The following PRKD2 variants were observed in gnomAD, a reference collection of about 807,000 sequenced individuals.
PRKD2 encodes serine/threonine-protein kinase D2.
A neutral mutation model predicts 86.0 loss-of-function variants in PRKD2; 22 were observed. The observed-to-expected ratio is 0.26, with a 90% CI of 0.18 to 0.37. The LOEUF (loss-of-function observed/expected upper bound fraction) is 0.37, where lower values mean the gene tolerates loss of function less well. Among genes scored for constraint, PRKD2 ranks in the 10% least tolerant of loss-of-function variants. The pLI is 1.00. For missense variants in PRKD2, 818 were observed against 1,199.2 expected (o/e 0.68, Z 4.70); for synonymous variants, 509 against 510.9 (o/e 1.00, Z 0.05).
intron 14 of PRKD2, 128 bp downstream of exon 14, chr19:46,689,409 G>A: frequency 1.7e-6 from 2 of 1,164,378 alleles, no homozygotes; most frequent in Non-Finnish European, 2.4e-6. Context: ...CGCCCAGCCT[G>A]ATGATGGTTT....
intron 16 of PRKD2, among the ~76,000 whole-genome samples, chr19:46,675,529 C>T (rs920265246): frequency 5.2e-4 from 79 of 152,224 alleles, no homozygotes; most frequent in African/African-American, 1.8e-3. Context: ...CTGCAACCTC[C>T]GCCTCCCGGG....
At chr19:46,699,652 C>T (rs2053608777) in intron 7 of PRKD2, among the ~76,000 whole-genome samples, 1 of 152,174 alleles carries the variant, frequency 6.6e-6, no homozygotes, top group Non-Finnish European at 1.5e-5. Flanking sequence ...ACATTCACGC[C>T]ACACCCAGAT....
intron 5 of PRKD2, among the ~76,000 whole-genome samples, 177 bp from the exon 6 acceptor site, chr19:46,701,289 TC>T (rs1414565044): frequency 6.6e-6 from 1 of 151,650 alleles, no homozygotes; most frequent in Admixed American, 6.6e-5. Context: ...TTCCCAACCA[TC>T]GGGGGGGTCT....
At chr19:46,715,160 T>C (rs561590181) in intron 1 of PRKD2, among the ~76,000 whole-genome samples, 2 of 152,352 alleles carry the variant, frequency 1.3e-5, no homozygotes, top group Non-Finnish European at 2.9e-5. Context: ...TAAGCGGTAA[T>C]CTAATATTTT....
intron 5 of PRKD2, among the ~76,000 whole-genome samples, chr19:46,702,038 GTT>G (rs869093299): frequency 7.6e-6 from 1 of 131,664 alleles, no homozygotes; most frequent in Non-Finnish European, 1.6e-5. Context: ...TCTGTTTTTT[GTT>G]TTTTTTTTTT....
intron 14 of PRKD2, among the ~76,000 whole-genome samples, chr19:46,685,129 C>T (rs185434171): frequency 8.9e-5 from 13 of 146,378 alleles, no homozygotes; most frequent in African/African-American, 1.3e-4. Context: ...TGTACTGGGA[C>T]GCACCTGTAG....
In PRKD2 at chr19:46,697,722, C is replaced by G; in HGVS notation, c.1239+11G>C. 1 of 1,606,846 alleles carries G rather than the reference C, an allele frequency of 6.2e-7. No homozygotes were observed. Among genetic ancestry groups the G allele is most frequent in the Non-Finnish European group, 8.5e-7 (1 of 1,173,976 alleles). On this transcript the variant is annotated intron_variant, in intron 8 of 17. Coordinates refer to ENST00000291281, the MANE Select transcript of PRKD2 (RefSeq NM_016457.5). Reference sequence around the variant, plus strand: ...CGCTCCGCCGTACCCGGCCCCGCCCCGGCCACTCACCAGCGTGTCCTTGTT... The same window carrying G: ...CGCTCCGCCGTACCCGGCCCCGCCCGGGCCACTCACCAGCGTGTCCTTGTT...
At chr19:46,675,682 C>T (rs2053189717) in intron 16 of PRKD2, among the ~76,000 whole-genome samples, 1 of 152,134 alleles carries the variant, frequency 6.6e-6, no homozygotes, top group Non-Finnish European at 1.5e-5. Flanking sequence ...TGACCTCAAG[C>T]AATCCGCCTG....
intron 1 of PRKD2, among the ~76,000 whole-genome samples, 153 bp downstream of exon 1, chr19:46,715,978 G>T (rs1448591540): frequency 6.6e-6 from 1 of 152,206 alleles, no homozygotes; most frequent in Admixed American, 6.5e-5. Context: ...TGGGGAGAGG[G>T]GCAATGGAGG....
At chr19:46,677,828 C>T (rs1390992634) in intron 16 of PRKD2, among the ~76,000 whole-genome samples, 1 of 152,166 alleles carries the variant, frequency 6.6e-6, no homozygotes, top group African/African-American at 2.4e-5. Context: ...GGAAACCCTC[C>T]ACGGCCACGT....
Position 46,675,088 on chromosome 19 carries a change from A to C in PRKD2, c.2369T>G (p.Val790Gly). 1 of 1,611,642 alleles carries C rather than the reference A, an allele frequency of 6.2e-7. No individual in the cohort carries two copies. The highest frequency in any genetic ancestry group is 8.5e-7 in the Non-Finnish European group (1 of 1,178,774). Residue 790 changes from valine to glycine, a missense_variant, in exon 17 of 18, where the codon GTG becomes GGG. By Grantham distance (109) the Val-to-Gly change is moderately radical. Transcript: ENST00000291281. ...AIDLINNLLQ[V>G]KMRKRYSVDK... ...CACGCTGTAGCGTTTGCGCATCTTC[A>C]CCTGCAGCAGGTTGTTGATGAGGTC...
intron 15 of PRKD2, among the ~76,000 whole-genome samples, chr19:46,681,349 G>A (rs891120312): frequency 6.6e-6 from 1 of 151,564 alleles, no homozygotes; most frequent in Non-Finnish European, 1.5e-5. Flanking sequence ...CCAACTCCTG[G>A]GCTCAAGCAA....
rs1380791413 is a variant in PRKD2 at position 46,674,361 on chromosome 19, G to C, written c.*162C>G. 1.4e-6 allele frequency: 1 copy of C among 717,398 alleles called. No individual in the cohort carries two copies. Among genetic ancestry groups the C allele is most frequent in the African/African-American group, 1.8e-5 (1 of 55,928 alleles). 44.4% of individuals were successfully genotyped at this position (717,398 alleles called of 1,614,324 possible). Reference sequence around the variant, plus strand: ...GGCCAGAGATGAGTCCGTTTTAATTGCTGGGGAAACAGGGAGGGGCCTTGG... The same window carrying C: ...GGCCAGAGATGAGTCCGTTTTAATTCCTGGGGAAACAGGGAGGGGCCTTGG... On this transcript the variant is annotated 3_prime_UTR_variant, in exon 18 of 18. Transcript: ENST00000291281.
intron 7 of PRKD2, among the ~76,000 whole-genome samples, chr19:46,699,861 T>C (rs1386208670): frequency 9.5e-5 from 14 of 147,866 alleles, no homozygotes; most frequent in Admixed American, 6.8e-5. Context: ...GGTGGGAGGA[T>C]TGCTTGAGCG....
At chr19:46,696,954 G>T (rs1489375396) in intron 9 of PRKD2, among the ~76,000 whole-genome samples, 1 of 152,058 alleles carries the variant, frequency 6.6e-6, no homozygotes, top group African/African-American at 2.4e-5. Flanking sequence ...AAGGGAACCT[G>T]CCCGGAGTCC....
chr19:46,700,353 C>T (rs1568729798), intron 7 of PRKD2, among the ~76,000 whole-genome samples: 2 of 151,886 alleles, frequency 1.3e-5, no homozygotes, highest in Non-Finnish European at 2.9e-5. Context: ...CACACCACTG[C>T]ACTCCAGTGG....
Position 46,681,651 on chromosome 19 carries a change from T to C in PRKD2, c.2069A>G (p.Gln690Arg), listed in dbSNP as rs748368507. ...VLLASADPFP[Q>R]VKLCDFGFAR... ...AAATCAGGAGGGGACATAACTGACCTGAGGAAATGGGTCTGCTGATGCCAG... is the reference window on the plus strand; with the variant it reads ...AAATCAGGAGGGGACATAACTGACCCGAGGAAATGGGTCTGCTGATGCCAG... Residue 690 changes from glutamine (Q) to arginine (R), a missense_variant and splice_region_variant, in exon 15 of 18, where the codon CAG becomes CGG. Physicochemically the swap from Gln to Arg is conservative, Grantham distance 43 (BLOSUM62 1). Transcript: ENST00000291281. 1.5e-6 allele frequency: 2 copies of C among 1,373,824 alleles called. No individual in the cohort carries two copies. Among genetic ancestry groups the C allele is most frequent in the South Asian group, 1.1e-5 (1 of 87,886 alleles). The allele number at this position is 1,373,824 out of a possible 1,614,324, so 85.1% of individuals were successfully genotyped here. A position where few individuals can be genotyped will look rare whatever the true frequency, so the allele number is the denominator to read the frequency against.
intron 1 of PRKD2, 192 bp from the exon 2 acceptor site, chr19:46,714,193 C>T (rs1477261677): frequency 5.3e-6 from 7 of 1,330,432 alleles, no homozygotes; most frequent in African/African-American, 1.5e-5. Context: ...CCCAATTGTA[C>T]GGGGAGGGGG....
chr19:46,688,091 T>A (rs1001071630), intron 14 of PRKD2, among the ~76,000 whole-genome samples: 1 of 152,144 alleles, frequency 6.6e-6, no homozygotes, highest in Non-Finnish European at 1.5e-5. Flanking sequence ...GATCTCACTA[T>A]GTCGCCTAGG....
Sources: gnomAD v4.1 joint callset for allele counts (sites outside exome capture counted in the v4.1 genomes callset) on GRCh38, gnomAD v4.1.1 for gene constraint, MANE v1.5 for transcripts, NCBI Gene and HGNC (gene_info 2026-07-23, HGNC 2026-07-21) for gene names.